The following CCBE1 variants were observed in gnomAD, a reference collection of about 807,000 sequenced individuals.
CCBE1 encodes collagen and calcium-binding EGF domain-containing protein 1.
In CCBE1, 37 loss-of-function variants were observed where a neutral mutation model predicts 50.0. That is an observed-to-expected ratio of 0.74 (90% CI 0.57 to 0.97). The LOEUF is 0.97. CCBE1 is among the 50% of genes least tolerant of loss of function. CCBE1 has a pLI of 0.00. For missense variants in CCBE1, 538 were observed against 523.8 expected, an observed-to-expected ratio of 1.03 and a Z score of -0.26; for synonymous variants, 234 against 203.7, an observed-to-expected ratio of 1.15 and a Z score of -1.27.
chr18:59,552,608 C>T (rs1915969042), intron 2 of CCBE1, among the ~76,000 whole-genome samples: 1 of 152,158 alleles, frequency 6.6e-6, no homozygotes. Flanking sequence ...CAATAGTTCC[C>T]ACATCGTTTT....
chr18:59,536,980 G>A (rs1915275469), intron 2 of CCBE1, among the ~76,000 whole-genome samples: 1 of 130,212 alleles, frequency 7.7e-6, no homozygotes. Flanking sequence ...AACAGAGTGA[G>A]ACTCTGTCTC....
In CCBE1 at chr18:59,514,608, A is replaced by T. The variant is rs1914283533; in HGVS notation, c.213-34370T>A. The stretch of plus-strand genomic sequence containing the variant: ...CAGACTTCCTTTGGGGAATTTAGGC[A>T]TGCTCTCCTGTTTTTTTTTTTTTCT... On this transcript the variant is annotated intron_variant, in intron 2 of 10. Transcript: ENST00000439986. Among the ~76,000 whole-genome samples the T allele has an allele frequency of 3.0e-5, 4 of 134,576 alleles. 1 individual carries two copies. In the South Asian group the frequency reaches 7.0e-4, roughly 24 times the overall value. 88.3% of individuals were successfully genotyped at this position (134,576 alleles called of 152,430 possible).
At chr18:59,448,220 C>T (rs1910774142) in intron 6 of CCBE1, 117 bp from the exon 7 acceptor site, 1 of 1,438,992 alleles carries the variant, frequency 6.9e-7, no homozygotes, top group Non-Finnish European at 9.5e-7. Context: ...ATACTTTTTA[C>T]TAGAGCTAGT....
Position 59,664,078 on chromosome 18 carries a change from G to C in CCBE1, c.212+32551C>G, listed in dbSNP as rs572326326. On this transcript the variant is annotated intron_variant, in intron 2 of 10. Transcript: ENST00000439986. ...TGAAGACTGAGAAGTCTGCGATTAG[G>C]ATGCCAGCATGATTGGGTTCTGGTG... is the stretch of plus-strand genomic sequence containing the variant. Among the ~76,000 whole-genome samples, 12 of 152,268 alleles carry C rather than the reference G, an allele frequency of 7.9e-5. No individual in the cohort carries two copies. The South Asian group carries it at 2.5e-3, about 32-fold the overall frequency.
At chr18:59,689,945 A>G (rs533323795) in intron 2 of CCBE1, among the ~76,000 whole-genome samples, 1 of 152,282 alleles carries the variant, frequency 6.6e-6, no homozygotes, top group African/African-American at 2.4e-5. Flanking sequence ...TGCTGAAAGG[A>G]CACAGCTGGG....
intron 2 of CCBE1, among the ~76,000 whole-genome samples, chr18:59,612,908 A>C (rs967827990): frequency 6.7e-6 from 1 of 149,150 alleles, no homozygotes; most frequent in African/African-American, 2.5e-5. Flanking sequence ...AAGGAAGAAA[A>C]GAATTCCTAG....
In CCBE1 at chr18:59,557,353, T is replaced by G. The variant is rs558632750; in HGVS notation, c.213-77115A>C. Among the ~76,000 whole-genome samples the G allele has an allele frequency of 1.1e-4, 16 of 152,228 alleles. No individual in the cohort carries two copies. In the South Asian group the frequency reaches 3.1e-3, roughly 30 times the overall value. ...CACACAACTGCATGAGCATCCCTCA[T>G]CACTCAGTTTCTGCTTGTCTGATTC... On this transcript the variant is annotated intron_variant, in intron 2 of 10. Coordinates refer to ENST00000439986, the MANE Select transcript of CCBE1 (RefSeq NM_133459.4).
rs1353350761 is a variant in CCBE1 at position 59,434,944 on chromosome 18, A to G, written c.*964T>C. ...CTTCAGCCCCACTGTATATTGGTTCAGCCTGGATCATGGCACCTAATGGTA... is the reference window on the plus strand; with the variant it reads ...CTTCAGCCCCACTGTATATTGGTTCGGCCTGGATCATGGCACCTAATGGTA... On this transcript the variant is annotated 3_prime_UTR_variant, in exon 11 of 11. Coordinates refer to ENST00000439986, the MANE Select transcript of CCBE1 (RefSeq NM_133459.4). 1.3e-5 allele frequency: 2 copies of G among 152,234 alleles called. No individual in the cohort carries two copies. The highest frequency in any genetic ancestry group is 2.9e-5 in the Non-Finnish European group (2 of 68,066). The allele number at this position is 152,234 out of a possible 1,614,324, so 9.4% of individuals were successfully genotyped here. A position where few individuals can be genotyped will look rare whatever the true frequency, so the allele number is the denominator to read the frequency against.
rs1417659067 is a variant in CCBE1 at position 59,469,453 on chromosome 18, C to A, written c.400+20G>T. The A allele has an allele frequency of 6.2e-7, 1 of 1,614,148 alleles. No homozygotes were observed. Among genetic ancestry groups the A allele is most frequent in the Non-Finnish European group, 8.5e-7 (1 of 1,180,018 alleles). On this transcript the variant is annotated intron_variant, in intron 4 of 10. Coordinates refer to ENST00000439986, the MANE Select transcript of CCBE1 (RefSeq NM_133459.4). Reference sequence around the variant, plus strand: ...AAGGCACATGTTCAGAAGCTGGAAACAAGCACATTCCCAACACACCCAGAC... The same window carrying A: ...AAGGCACATGTTCAGAAGCTGGAAAAAAGCACATTCCCAACACACCCAGAC...
chr18:59,452,368 G>C (rs968366431), intron 6 of CCBE1, among the ~76,000 whole-genome samples: 1 of 152,148 alleles, frequency 6.6e-6, no homozygotes, highest in African/African-American at 2.4e-5. Flanking sequence ...CGAGGCGGGT[G>C]GATGATGAGG....
At chr18:59,617,742 G>C (rs2053655845) in intron 2 of CCBE1, among the ~76,000 whole-genome samples, 1 of 152,144 alleles carries the variant, frequency 6.6e-6, no homozygotes, top group Admixed American at 6.5e-5. Flanking sequence ...TGCATTAGTA[G>C]AAACAGTTTT....
chr18:59,527,893 C>A (rs1030718773), intron 2 of CCBE1, among the ~76,000 whole-genome samples: 2 of 152,180 alleles, frequency 1.3e-5, no homozygotes, highest in Admixed American at 6.6e-5. Flanking sequence ...TAGTGTTTCT[C>A]TCTGGCTCCC....
Position 59,675,090 on chromosome 18 carries a change from C to A in CCBE1, c.212+21539G>T, listed in dbSNP as rs28446989. On this transcript the variant is annotated intron_variant, in intron 2 of 10. Coordinates refer to ENST00000439986, the MANE Select transcript of CCBE1 (RefSeq NM_133459.4). ...TTGAAACAGGATGGATAATACAACA[C>A]CCAAAGTTAAGATAAGTTGTAGCTT... Among the ~76,000 whole-genome samples, 3 of 152,166 alleles carry A rather than the reference C, an allele frequency of 2.0e-5. No individual in the cohort carries two copies. The East Asian group carries it at 5.8e-4, about 29-fold the overall frequency.
intron 2 of CCBE1, among the ~76,000 whole-genome samples, chr18:59,535,412 C>T (rs367592516): frequency 2.8e-4 from 42 of 152,196 alleles, no homozygotes; most frequent in South Asian, 1.7e-3. Flanking sequence ...TGTTAGTGAA[C>T]GTAGAGAGGA....
intron 2 of CCBE1, among the ~76,000 whole-genome samples, chr18:59,501,315 T>TA (rs1481024779): frequency 1.3e-5 from 2 of 152,186 alleles, no homozygotes; most frequent in African/African-American, 4.8e-5. Context: ...CCCATGGCTT[T>TA]AGAGGGGAAG....
intron 2 of CCBE1, among the ~76,000 whole-genome samples, chr18:59,657,471 AC>A (rs2144678834): frequency 6.6e-6 from 1 of 152,374 alleles, no homozygotes; most frequent in East Asian, 1.9e-4. Context: ...CACACAGTGC[AC>A]CCAACCCTCA....
chr18:59,658,927 T>C (rs1386542015), intron 2 of CCBE1, among the ~76,000 whole-genome samples: 1 of 150,772 alleles, frequency 6.6e-6, no homozygotes, highest in Admixed American at 6.6e-5. Context: ...ATATAATCTT[T>C]ATTGTATATA....
intron 2 of CCBE1, among the ~76,000 whole-genome samples, chr18:59,625,230 G>A (rs569919028): frequency 2.0e-4 from 31 of 152,084 alleles, no homozygotes; most frequent in Non-Finnish European, 3.8e-4. Context: ...AGGAGATCGC[G>A]ACCATCGTGG....
chr18:59,683,198 C>T (rs1267409094), intron 2 of CCBE1, among the ~76,000 whole-genome samples: 1 of 152,176 alleles, frequency 6.6e-6, no homozygotes, highest in Non-Finnish European at 1.5e-5. Flanking sequence ...CTGTTCAAGG[C>T]ATAAGGATTT....
Sources: allele counts gnomAD v4.1 joint callset (sites outside exome capture counted in the v4.1 genomes callset), GRCh38; gene constraint gnomAD v4.1.1; transcripts MANE v1.5; gene names NCBI Gene and HGNC (gene_info 2026-07-23, HGNC 2026-07-21).